Variants in ALK observed in about 807,000 individuals in gnomAD.
ALK encodes ALK tyrosine kinase receptor.
ALK carries 74 observed loss-of-function variants against 163.1 expected under a neutral mutation model. The observed-to-expected ratio is 0.45, with a 90% CI of 0.38 to 0.55. The LOEUF (loss-of-function observed/expected upper bound fraction) is 0.55, where lower values mean the gene tolerates loss of function less well. Among genes scored for constraint, ALK ranks in the 20% least tolerant of loss-of-function variants. The probability of loss-of-function intolerance (pLI) is 0.00; values close to 1 mark genes in which losing one functional copy is unlikely to be tolerated. For missense variants in ALK, 2,063 were observed against 2,105.3 expected (o/e 0.98, Z 0.39); for synonymous variants, 960 against 843.2 (o/e 1.14, Z -2.40).
chr2:29,485,364 T>C (rs1671754597), intron 4 of ALK, among the ~76,000 whole-genome samples: 1 of 152,252 alleles, frequency 6.6e-6, no homozygotes, highest in South Asian at 2.1e-4. Flanking sequence ...GATTTTATTT[T>C]AGTGACCATC....
At chr2:29,528,178 G>A (rs1349746591) in intron 4 of ALK, among the ~76,000 whole-genome samples, 3 of 152,212 alleles carry the variant, frequency 2.0e-5, no homozygotes, top group East Asian at 1.9e-4. Flanking sequence ...TGTAGTTCTG[G>A]TCATACATAA....
At chr2:29,754,897 T>C (rs72786238) in intron 1 of ALK, among the ~76,000 whole-genome samples, 2,447 of 152,254 alleles carry the variant, frequency 0.016, 26 homozygotes, top group Non-Finnish European at 0.025. Context: ...AATAGTAGTA[T>C]AGAAGTGTTC....
chr2:29,910,493 TA>T (rs1404420273), intron 1 of ALK, among the ~76,000 whole-genome samples: 1 of 152,142 alleles, frequency 6.6e-6, no homozygotes, highest in Non-Finnish European at 1.5e-5. Flanking sequence ...ACCAAGAGTC[TA>T]TCAACAAATT....
intron 1 of ALK, among the ~76,000 whole-genome samples, chr2:29,739,162 C>T (rs891791559): frequency 4.9e-5 from 7 of 143,064 alleles, no homozygotes; most frequent in South Asian, 2.2e-4. Flanking sequence ...TCACTGGAGC[C>T]GAGGAGTTTG....
At chr2:29,911,149 G>A (rs557504158) in intron 1 of ALK, among the ~76,000 whole-genome samples, 7 of 152,198 alleles carry the variant, frequency 4.6e-5, no homozygotes, top group Non-Finnish European at 1.0e-4. Context: ...AAAATCTGTG[G>A]TGGTAGCACC....
At chr2:29,299,040 C>T (rs1666287040) in intron 8 of ALK, among the ~76,000 whole-genome samples, 1 of 152,216 alleles carries the variant, frequency 6.6e-6, no homozygotes, top group Non-Finnish European at 1.5e-5. Flanking sequence ...ATGCTCACAT[C>T]TTGAACAGCT....
At chr2:29,637,656 C>G (rs1309767539) in intron 3 of ALK, among the ~76,000 whole-genome samples, 1 of 144,034 alleles carries the variant, frequency 6.9e-6, no homozygotes, top group South Asian at 2.2e-4. Context: ...TTGCAGTGAG[C>G]CGACATTGCA....
At chr2:29,491,836 G>T (rs1671910944) in intron 4 of ALK, among the ~76,000 whole-genome samples, 1 of 152,170 alleles carries the variant, frequency 6.6e-6, no homozygotes, top group Non-Finnish European at 1.5e-5. Flanking sequence ...AATGAGAGAA[G>T]AGAAACATAC....
intron 2 of ALK, among the ~76,000 whole-genome samples, chr2:29,695,457 C>T (rs1471978442): frequency 6.6e-6 from 1 of 152,268 alleles, no homozygotes; most frequent in South Asian, 2.1e-4. Context: ...CTCACCTGTA[C>T]ATTAGGCTGA....
intron 13 of ALK, among the ~76,000 whole-genome samples, chr2:29,238,322 G>A (rs546556460): frequency 6.6e-6 from 1 of 152,190 alleles, no homozygotes; most frequent in South Asian, 2.1e-4. Context: ...TCAGCCTCCT[G>A]AGTAGCTGGG....
At chr2:29,604,926 T>C (rs1014614453) in intron 3 of ALK, among the ~76,000 whole-genome samples, 2 of 152,212 alleles carry the variant, frequency 1.3e-5, no homozygotes, top group African/African-American at 4.8e-5. Flanking sequence ...CTCTCTTCAA[T>C]CATTCCTGTT....
intron 5 of ALK, among the ~76,000 whole-genome samples, chr2:29,329,561 G>A (rs1667378400): frequency 6.6e-6 from 1 of 152,180 alleles, no homozygotes; most frequent in African/African-American, 2.4e-5. Context: ...CCATCTCAGT[G>A]CTCAGGGCAG....
At chr2:29,300,962 GA>G (rs1666351612) in intron 8 of ALK, among the ~76,000 whole-genome samples, 1 of 152,178 alleles carries the variant, frequency 6.6e-6, no homozygotes, top group African/African-American at 2.4e-5. Context: ...AAGCAAGATT[GA>G]AATTGTGACT....
intron 1 of ALK, among the ~76,000 whole-genome samples, chr2:29,862,242 T>C (rs1013419571): frequency 6.6e-6 from 1 of 152,160 alleles, no homozygotes; most frequent in African/African-American, 2.4e-5. Context: ...TGACCATTTC[T>C]ATTCAATGTA....
intron 1 of ALK, among the ~76,000 whole-genome samples, chr2:29,895,577 G>T (rs970103480): frequency 6.6e-6 from 1 of 152,170 alleles, no homozygotes; most frequent in Non-Finnish European, 1.5e-5. Flanking sequence ...CCCACAGAAA[G>T]GAAACAATGC....
chr2:29,220,194 C>G (rs1573119367), intron 23 of ALK, among the ~76,000 whole-genome samples: 1 of 152,220 alleles, frequency 6.6e-6, no homozygotes, highest in Middle Eastern at 3.4e-3. Context: ...GTGATTGGAC[C>G]ATGGGTGGAT....
chr2:29,744,525 T>G (rs113319230), intron 1 of ALK, among the ~76,000 whole-genome samples: 2 of 152,296 alleles, frequency 1.3e-5, no homozygotes, highest in African/African-American at 4.8e-5. Flanking sequence ...TGGAATCATC[T>G]GAAGGCTCAT....
Position 29,223,338 on chromosome 2 carries a change from T to C in ALK, c.3359+4A>G, listed in dbSNP as rs1573125072. 4 of 1,613,990 alleles carry C rather than the reference T, an allele frequency of 2.5e-6. No individual in the cohort carries two copies. Among genetic ancestry groups the C allele is most frequent in the Non-Finnish European group, 3.4e-6 (4 of 1,179,998 alleles). On this transcript the variant is annotated splice_donor_region_variant and intron_variant, in intron 20 of 28. Transcript: ENST00000389048. ...TCCTCCCAGGACGGCAGCAGGGCGC[T>C]CACCGAATGAGGGTGATGTTTTTCC...
At chr2:29,416,637 G>A (rs568991005) in intron 4 of ALK, among the ~76,000 whole-genome samples, 1 of 152,312 alleles carries the variant, frequency 6.6e-6, no homozygotes, top group African/African-American at 2.4e-5. Context: ...GGCTCTTGTA[G>A]AAAGAATACC....
Sources: allele counts gnomAD v4.1 joint callset (sites outside exome capture counted in the v4.1 genomes callset), GRCh38; gene constraint gnomAD v4.1.1; transcripts MANE v1.5; gene names NCBI Gene and HGNC (gene_info 2026-07-23, HGNC 2026-07-21).